Variants in PRKCG observed in about 807,000 individuals in gnomAD.
The protein encoded by PRKCG is protein kinase C gamma type.
In PRKCG, 28 loss-of-function variants were observed where a neutral mutation model predicts 82.0. The ratio of observed to expected loss-of-function variants is 0.34; its 90% CI spans 0.25 to 0.47. PRKCG has a LOEUF of 0.47. PRKCG is among the 20% of genes least tolerant of loss of function. The pLI is 1.00. For missense variants in PRKCG, 640 were observed against 952.7 expected (o/e 0.67, Z 4.32); for synonymous variants, 383 against 376.6 (o/e 1.02, Z -0.20).
rs905885526 is a variant in PRKCG, at chr19:53,900,197, T to G, written c.1282-36T>G. ...AAGAAATTCTCCTACTCTGGGTAGA[T>G]GGATCCCGCCTCTAAGCCCATGCAC... On this transcript the variant is annotated intron_variant, in intron 11 of 17. Transcript: ENST00000263431. The surrounding 1 kb of genome is among the most constrained non-coding windows in gnomAD (Gnocchi z 4.2). The G allele has an allele frequency of 6.3e-7, 1 of 1,582,890 alleles. No homozygotes were observed.
At chr19:53,894,732 T>G (rs1477371286) in intron 9 of PRKCG, among the ~76,000 whole-genome samples, 3 of 152,160 alleles carry the variant, frequency 2.0e-5, no homozygotes, top group Non-Finnish European at 4.4e-5. Context: ...AGCGCTGAGA[T>G]TAGAGGCGTG....
chr19:53,898,433 C>T lies in PRKCG; in HGVS notation c.1093-7C>T, dbSNP rs878994552. On this transcript the variant is annotated splice_region_variant and splice_polypyrimidine_tract_variant and intron_variant, in intron 10 of 17. Coordinates refer to ENST00000263431, the MANE Select transcript of PRKCG (RefSeq NM_002739.5). The stretch of plus-strand genomic sequence containing the variant: ...ATGGACTGGCCCTTTTGGAACTGTG[C>T]GCATAGGTGATGCTGGCCGAGCGCA... 1 of 1,613,886 alleles carries T rather than the reference C, an allele frequency of 6.2e-7. No individual in the cohort carries two copies. The highest frequency in any genetic ancestry group is 2.2e-5 in the East Asian group (1 of 44,838).
rs1185360542 is a variant in PRKCG, at chr19:53,891,802, A to G, written c.658A>G (p.Asn220Asp). ...GACCCGAACGGTGAAAGCCACGCTAAACCCTGTGTGGAATGAGACCTTTGT... is the reference window on the plus strand; with the variant it reads ...GACCCGAACGGTGAAAGCCACGCTAGACCCTGTGTGGAATGAGACCTTTGT... ...QKTRTVKATLNPVWNETFVFN... is the reference protein window; with the variant it reads ...QKTRTVKATLDPVWNETFVFN... Residue 220 changes from asparagine (N) to aspartate (D), a missense_variant, in exon 6 of 18, where the codon AAC becomes GAC. Around this residue, in one of 7 missense-constraint regions of PRKCG, gnomAD observed 261 missense variants for 312.1 expected, o/e 0.84. Coordinates refer to ENST00000263431, the MANE Select transcript of PRKCG (RefSeq NM_002739.5). 1.2e-6 allele frequency: 2 copies of G among 1,613,956 alleles called. No individual in the cohort carries two copies. Among genetic ancestry groups the G allele is most frequent in the African/African-American group, 2.7e-5 (2 of 74,896 alleles).
chr19:53,905,995 G>C (rs1230201760), intron 16 of PRKCG, among the ~76,000 whole-genome samples: 18 of 97,420 alleles, frequency 1.8e-4, no homozygotes, highest in African/African-American at 1.0e-3. Flanking sequence ...TCTCCTCTCT[G>C]TCTCTCTCTG....
Position 53,889,939 on chromosome 19 carries a change from G to C in PRKCG, c.451G>C (p.Gly151Arg). Residue 151 changes from glycine (G) to arginine (R), a missense_variant, in exon 5 of 18, where the codon GGT becomes CGT. Coordinates refer to ENST00000263431, the MANE Select transcript of PRKCG (RefSeq NM_002739.5). The surrounding 1 kb of genome is among the most constrained non-coding windows in gnomAD (Gnocchi z 4.4). Reference sequence around the variant, plus strand: ...TGTGCGTAGCGTGCCCTCCCTGTGCGGTGTGGACCACACCGAGCGCCGCGG... The same window carrying C: ...TGTGCGTAGCGTGCCCTCCCTGTGCCGTGTGGACCACACCGAGCGCCGCGG... ...RCVRSVPSLCGVDHTERRGRL... is the reference protein window; with the variant it reads ...RCVRSVPSLCRVDHTERRGRL... 1 of 1,581,864 alleles carries C rather than the reference G, an allele frequency of 6.3e-7. No individual in the cohort carries two copies. Among genetic ancestry groups the C allele is most frequent in the Non-Finnish European group, 8.6e-7 (1 of 1,165,072 alleles).
rs1399276250 is a variant in PRKCG at position 53,907,132 on chromosome 19, A to C, written c.*237A>C. 27 of 943,864 alleles carry C rather than the reference A, an allele frequency of 2.9e-5. 1 individual carries two copies. The South Asian group carries it at 4.2e-4, about 15-fold the overall frequency. 58.5% of individuals were successfully genotyped at this position (943,864 alleles called of 1,614,324 possible). On this transcript the variant is annotated 3_prime_UTR_variant, in exon 18 of 18. Transcript: ENST00000263431. ...TGAGCGGAGCCCGATATTCTCCCTG[A>C]CCTTAGCGTTCTGGACTCTGCCCCA... is the stretch of plus-strand genomic sequence containing the variant.
At position 53,884,380 on chromosome 19, in the gene PRKCG, C is replaced by T. The variant is rs1284858551; in HGVS notation, c.285+137C>T. ...TGGAGAGATAGGGGGAGCTATCTGG[C>T]CCAGATTCCTTGCCCTTGGCCTGGA... On this transcript the variant is annotated intron_variant, in intron 3 of 17. Coordinates refer to ENST00000263431, the MANE Select transcript of PRKCG (RefSeq NM_002739.5). This position sits in a 1 kb window ranked among gnomAD's most constrained non-coding sequence, Gnocchi z 4.6. 4.6e-6 allele frequency: 4 copies of T among 870,410 alleles called. No individual in the cohort carries two copies. The highest frequency in any genetic ancestry group is 7.5e-6 in the Non-Finnish European group (4 of 533,944). The allele number at this position is 870,410 out of a possible 1,614,324, so 53.9% of individuals were successfully genotyped here.
Position 53,906,931 on chromosome 19 carries a change from C to T in PRKCG, c.*36C>T, listed in dbSNP as rs564930420. 6.2e-6 allele frequency: 10 copies of T among 1,612,662 alleles called. No individual in the cohort carries two copies. In the East Asian group the frequency reaches 6.7e-5, roughly 11 times the overall value. On this transcript the variant is annotated 3_prime_UTR_variant, in exon 18 of 18. Transcript: ENST00000263431. ...CGCCACTAGGTGTCCCCAACGTCCC[C>T]TCCGCCGTGCCGGCGGCAGCCCCAC...
At chr19:53,897,281 G>A (rs1319039124) in intron 9 of PRKCG, among the ~76,000 whole-genome samples, 1 of 152,156 alleles carries the variant, frequency 6.6e-6, no homozygotes, top group African/African-American at 2.4e-5. Flanking sequence ...GCATTAGAAA[G>A]GGCAGCCGTC....
At chr19:53,890,604 T>C (rs1461995698) in intron 5 of PRKCG, among the ~76,000 whole-genome samples, 1 of 150,698 alleles carries the variant, frequency 6.6e-6, no homozygotes, top group Non-Finnish European at 1.5e-5. Context: ...TTTTTTGAGA[T>C]GGAGTCTTGC....
rs770508586 is a variant in PRKCG at position 53,884,110 on chromosome 19, C to T, written c.203-51C>T. ...CAATTTTCTGTCTGCTGGGGTCTCC[C>T]GCTGGACTAATCCATGCCTCCGTCT... On this transcript the variant is annotated intron_variant, in intron 2 of 17. Transcript: ENST00000263431. The surrounding 1 kb of genome is among the most constrained non-coding windows in gnomAD (Gnocchi z 4.6). The T allele has an allele frequency of 5.1e-6, 8 of 1,579,314 alleles. No homozygotes were observed. Among genetic ancestry groups the T allele is most frequent in the African/African-American group, 2.7e-5 (2 of 74,158 alleles).
At position 53,898,192 on chromosome 19, in the gene PRKCG, G is replaced by A; in HGVS notation, c.1092+81G>A. ...TCTGGTTCTTAGGGAGGAAGTGGGGGTGGGAAGAGACTGGGCTCCTGCATC... is the reference window on the plus strand; with the variant it reads ...TCTGGTTCTTAGGGAGGAAGTGGGGATGGGAAGAGACTGGGCTCCTGCATC... On this transcript the variant is annotated intron_variant, in intron 10 of 17. Transcript: ENST00000263431. 6 of 1,557,668 alleles carry A rather than the reference G, an allele frequency of 3.9e-6. No individual in the cohort carries two copies. The South Asian group carries it at 6.9e-5, about 18-fold the overall frequency.
In PRKCG at chr19:53,889,852, G is replaced by GGCCTGAGGTGCTACCC. The variant is rs1483996912; in HGVS notation, c.398-31_398-16dup. ...GGGTGGAGTCTTGGCTTGGGGGCGG[G>GGCCTGAGGTGCTACCC]GCCTGAGGTGCTACCCGCAGCTTTC... On this transcript the variant is annotated intron_variant, in intron 4 of 17. Coordinates refer to ENST00000263431, the MANE Select transcript of PRKCG (RefSeq NM_002739.5). This position sits in a 1 kb window ranked among gnomAD's most constrained non-coding sequence, Gnocchi z 4.4. 2 of 1,570,696 alleles carry GGCCTGAGGTGCTACCC rather than the reference G, an allele frequency of 1.3e-6. No individual in the cohort carries two copies. The highest frequency in any genetic ancestry group is 1.7e-6 in the Non-Finnish European group (2 of 1,158,732).
In PRKCG at chr19:53,892,546, G is replaced by A. The variant is rs1398372035; in HGVS notation, c.724G>A (p.Val242Met). 1.1e-5 allele frequency: 17 copies of A among 1,613,214 alleles called. No homozygotes were observed. Among genetic ancestry groups the A allele is most frequent in the South Asian group, 6.6e-5 (6 of 91,048 alleles). ...KPGDVERRLSVEVWDWDRTSR... is the reference protein window; with the variant it reads ...KPGDVERRLSMEVWDWDRTSR... ...AGGGGATGTGGAGCGCCGGCTCAGC[G>A]TGGAGGTGTGGGACTGGGACCGGAC... is the stretch of plus-strand genomic sequence containing the variant. Residue 242 changes from valine (V) to methionine (M), a missense_variant, in exon 7 of 18, where the codon GTG becomes ATG. Transcript: ENST00000263431. This position sits in a 1 kb window ranked among gnomAD's most constrained non-coding sequence, Gnocchi z 5.9.
chr19:53,891,889 A>G, intron 6 of PRKCG, 59 bp downstream of exon 6: 3 of 1,605,756 alleles, frequency 1.9e-6, no homozygotes, highest in East Asian at 2.2e-5. Context: ...TGAGGGTCCT[A>G]GTGGCCCCCA....
chr19:53,888,386 G>A (rs774016683), intron 3 of PRKCG, among the ~76,000 whole-genome samples: 29 of 152,166 alleles, frequency 1.9e-4, no homozygotes, highest in Non-Finnish European at 4.1e-4. Flanking sequence ...GGGGTAGTGG[G>A]TGGCAGGGGA....
In PRKCG at chr19:53,884,615, A is replaced by T. The variant is rs2070819545; in HGVS notation, c.285+372A>T. Among the ~76,000 whole-genome samples the T allele has an allele frequency of 6.6e-6, 1 of 152,140 alleles. No individual in the cohort carries two copies. Among genetic ancestry groups the T allele is most frequent in the Admixed American group, 6.6e-5 (1 of 15,264 alleles). ...ACATAAGACAGAGGGAATCTCAGGG[A>T]GAGGAACAGAGACAGAAGAAGACAG... On this transcript the variant is annotated intron_variant, in intron 3 of 17. Coordinates refer to ENST00000263431, the MANE Select transcript of PRKCG (RefSeq NM_002739.5). This position sits in a 1 kb window ranked among gnomAD's most constrained non-coding sequence, Gnocchi z 4.6.
Position 53,889,749 on chromosome 19 carries a change from T to C in PRKCG, c.397T>C (p.Cys133Arg). The change falls in exon 4 of 18, where the codon TGC (cysteine) becomes CGC (arginine). Residue 133 changes from cysteine to arginine, a missense_variant and splice_region_variant. Cys to Arg is a radical substitution (Grantham distance 180, BLOSUM62 -3). Around this residue, in one of 7 missense-constraint regions of PRKCG, gnomAD observed 261 missense variants for 312.1 expected, o/e 0.84. Coordinates refer to ENST00000263431, the MANE Select transcript of PRKCG (RefSeq NM_002739.5). This position sits in a 1 kb window ranked among gnomAD's most constrained non-coding sequence, Gnocchi z 4.4. ...GLVHQGMKCS[C>R]CEMNVHRRCV... ...TGTGCACCAGGGCATGAAATGCTCC[T>C]GTGAGTGACCTGGGCCTTGCCAGGG... 6.2e-7 allele frequency: 1 copy of C among 1,613,636 alleles called. No individual in the cohort carries two copies. The highest frequency in any genetic ancestry group is 8.5e-7 in the Non-Finnish European group (1 of 1,179,796).
At chr19:53,898,783 G>GGGA (rs71931221) in intron 11 of PRKCG, among the ~76,000 whole-genome samples, 155 bp downstream of exon 11, 2 of 7,176 alleles carry the variant, frequency 2.8e-4, no homozygotes, top group African/African-American at 9.9e-4. Context: ...GGGCGTGGCC[G>GGGA]GGGGGGGGTC....
Sources: gnomAD v4.1 joint callset for allele counts (sites outside exome capture counted in the v4.1 genomes callset) on GRCh38, gnomAD v4.1.1 for gene constraint, gnomAD v4.1.1 regional missense constraint, Gnocchi (gnomAD v3.1) non-coding constraint, MANE v1.5 for transcripts, NCBI Gene and HGNC (gene_info 2026-07-23, HGNC 2026-07-21) for gene names.